The following CRHR2 variants were observed in gnomAD, a reference collection of about 807,000 sequenced individuals.
The protein encoded by CRHR2 is corticotropin releasing hormone receptor 2, also known as corticotropin-releasing hormone receptor 2.
Under a neutral mutation model 57.9 loss-of-function variants are expected in CRHR2, and 53 were observed. That is an observed-to-expected ratio of 0.92 (90% confidence interval 0.73 to 1.15). The LOEUF (loss-of-function observed/expected upper bound fraction) is 1.15. CRHR2 is among the 50% of genes most tolerant of loss of function. The probability of loss-of-function intolerance (pLI) is 0.00; values close to 1 mark genes in which losing one functional copy is unlikely to be tolerated. For synonymous variants in CRHR2, 213 were observed against 220.9 expected (o/e 0.96, Z 0.32); for missense variants, 532 against 542.6 (o/e 0.98, Z 0.19).
intron 5 of CRHR2, among the ~76,000 whole-genome samples, chr7:30,663,169 A>G (rs1784079267): frequency 6.6e-6 from 1 of 152,136 alleles, no homozygotes; most frequent in Non-Finnish European, 1.5e-5. Flanking sequence ...GAATTCAACC[A>G]TCTTGTTGTG....
At chr7:30,691,495 C>A (rs1562811741) in intron 1 of CRHR2, among the ~76,000 whole-genome samples, 2 of 152,212 alleles carry the variant, frequency 1.3e-5, no homozygotes, top group African/African-American at 4.8e-5. Flanking sequence ...AGGGCATCCT[C>A]CCCCAGGACT....
intron 11 of CRHR2, chr7:30,654,794 C>G: frequency 6.5e-7 from 1 of 1,537,684 alleles, no homozygotes; most frequent in South Asian, 1.2e-5. Flanking sequence ...CCTGGGCTTC[C>G]TTGCTCACCC....
intron 1 of CRHR2, among the ~76,000 whole-genome samples, chr7:30,691,019 G>T (rs902004069): frequency 2.0e-5 from 3 of 152,032 alleles, no homozygotes; most frequent in African/African-American, 7.2e-5. Flanking sequence ...GCTGCTGAGA[G>T]TTCCTCAGCT....
Position 30,660,582 on chromosome 7 carries a change from G to A in CRHR2, c.822C>T (p.Leu274=), listed in dbSNP as rs146443369. The A allele has an allele frequency of 3.7e-5, 58 of 1,564,980 alleles. No individual in the cohort carries two copies. The African/African-American group carries it at 5.8e-4, about 16-fold the overall frequency. Residue 274 remains leucine, a synonymous_variant, in exon 8 of 12, where the codon CTC becomes CTT. Transcript: ENST00000471646. ...ACCGCTGAGGGCTTACCAGGAGCAC[G>A]AGAATGATGGGGCCTTGGTAGATGT... is the stretch of plus-strand genomic sequence containing the variant. ...VDYIYQGPII[L]VLLINFVFLF...
intron 2 of CRHR2, among the ~76,000 whole-genome samples, chr7:30,680,818 TTGTGTGTGTGTG>T (rs60568949): frequency 2.1e-5 from 3 of 145,480 alleles, no homozygotes; most frequent in East Asian, 2.1e-4. Flanking sequence ...TTCTGAAAGC[TTGTGTGTGTGTG>T]TGTGTGTGTG....
chr7:30,685,109 T>C (rs1006946619), upstream of CRHR2, among the ~76,000 whole-genome samples: 1 of 152,178 alleles, frequency 6.6e-6, no homozygotes, highest in Non-Finnish European at 1.5e-5. Context: ...GGAAGACCCC[T>C]GTGTACCATG....
upstream of CRHR2, chr7:30,686,646 G>A: frequency 2.4e-6 from 2 of 828,294 alleles, no homozygotes; most frequent in Non-Finnish European, 3.8e-6. Flanking sequence ...TAAATAAATA[G>A]TCCATTTGGA....
chr7:30,664,932 C>T (rs1784125765), intron 5 of CRHR2, 138 bp downstream of exon 5: 1 of 688,074 alleles, frequency 1.5e-6, no homozygotes, highest in Non-Finnish European at 2.6e-6. Context: ...AAAAGCTGCT[C>T]AAGAAGAAGA....
In CRHR2 at chr7:30,665,711, T is replaced by C; in HGVS notation, c.316-72A>G. On this transcript the variant is annotated intron_variant, in intron 3 of 11. Transcript: ENST00000471646. This position sits in a 1 kb window ranked among gnomAD's most constrained non-coding sequence, Gnocchi z 4.5. ...GGGGTGGGGCTGGGTATTCCAGCCG[T>C]GGCCACCTCTGTGTCCTGACCTTGG... is the stretch of plus-strand genomic sequence containing the variant. The C allele has an allele frequency of 6.3e-6, 8 of 1,266,348 alleles. No individual in the cohort carries two copies. Among genetic ancestry groups the C allele is most frequent in the Non-Finnish European group, 9.0e-6 (8 of 893,786 alleles). The allele number at this position is 1,266,348 out of a possible 1,614,324, so 78.4% of individuals were successfully genotyped here.
intron 7 of CRHR2, among the ~76,000 whole-genome samples, chr7:30,661,286 C>G (rs1379598510): frequency 1.8e-4 from 28 of 152,214 alleles, no homozygotes; most frequent in Admixed American, 1.8e-3. Context: ...GGGCCATCAA[C>G]TTTGGGGAAC....
chr7:30,677,546 C>T (rs1184373496), intron 2 of CRHR2, among the ~76,000 whole-genome samples: 2 of 152,206 alleles, frequency 1.3e-5, no homozygotes, highest in Non-Finnish European at 2.9e-5. Flanking sequence ...AGGATTTGAA[C>T]CTGGGTTCGG....
chr7:30,659,796 C>T (rs1351572306), intron 8 of CRHR2, among the ~76,000 whole-genome samples: 3 of 152,250 alleles, frequency 2.0e-5, no homozygotes, highest in Non-Finnish European at 4.4e-5. Context: ...GAGGAGATGG[C>T]ACTCTCGCTG....
At chr7:30,662,606 G>T in intron 6 of CRHR2, 88 bp downstream of exon 6, 1 of 1,508,298 alleles carries the variant, frequency 6.6e-7, no homozygotes. Flanking sequence ...GCAGGGCCAG[G>T]CTCTGGTCCT....
At chr7:30,654,675 C>T in intron 11 of CRHR2, 1 of 1,535,540 alleles carries the variant, frequency 6.5e-7, no homozygotes, top group Non-Finnish European at 8.7e-7. Flanking sequence ...GGTCTCTCTT[C>T]TGCTCCCTGA....
chr7:30,658,659 C>T (rs996627684), intron 8 of CRHR2, among the ~76,000 whole-genome samples: 1 of 152,316 alleles, frequency 6.6e-6, no homozygotes, highest in South Asian at 2.1e-4. Context: ...TGTCTGCCCC[C>T]GAGGGGCCTA....
chr7:30,653,615 G>T lies in CRHR2; in HGVS notation c.1096-15C>A. ...GCTGAGCGCACCTGTGGGGAAGGCA[G>T]AGGCTCAGCTGGCTCCCAGGGACCA... On this transcript the variant is annotated splice_polypyrimidine_tract_variant and intron_variant, in intron 11 of 11. Transcript: ENST00000471646. This position sits in a 1 kb window ranked among gnomAD's most constrained non-coding sequence, Gnocchi z 5.0. 6.2e-7 allele frequency: 1 copy of T among 1,602,594 alleles called. No homozygotes were observed. Among genetic ancestry groups the T allele is most frequent in the Non-Finnish European group, 8.5e-7 (1 of 1,176,788 alleles).
intron 2 of CRHR2, among the ~76,000 whole-genome samples, chr7:30,688,107 A>G (rs1447603451): frequency 6.6e-6 from 1 of 152,224 alleles, no homozygotes; most frequent in Non-Finnish European, 1.5e-5. Context: ...ATTAAAGTAA[A>G]GTAAGGTAAG....
intron 11 of CRHR2, 119 bp downstream of exon 11, chr7:30,654,920 A>G (rs1783721507): frequency 6.4e-7 from 1 of 1,553,978 alleles, no homozygotes; most frequent in African/African-American, 1.4e-5. Context: ...GCCGGGTGGT[A>G]TCTCAAGGCT....
chr7:30,682,101 G>C, intron 1 of CRHR2, 61 bp from the exon 2 acceptor site: 1 of 1,540,952 alleles, frequency 6.5e-7, no homozygotes, highest in Non-Finnish European at 8.7e-7. Flanking sequence ...GGGGCTCTCG[G>C]AGCGCGGGGT....
Sources: allele counts gnomAD v4.1 joint callset (sites outside exome capture counted in the v4.1 genomes callset), GRCh38; gene constraint gnomAD v4.1.1; non-coding constraint Gnocchi (gnomAD v3.1); transcripts MANE v1.5; gene names NCBI Gene and HGNC (gene_info 2026-07-23, HGNC 2026-07-21).